GNA12: variants seen among roughly 807,000 people sequenced by gnomAD.
The protein encoded by GNA12 is guanine nucleotide-binding protein subunit alpha-12.
Under a neutral mutation model 26.0 loss-of-function variants are expected in GNA12, and 9 were observed. The observed-to-expected ratio is 0.35, with a 90% CI of 0.21 to 0.60. The LOEUF is 0.60. Ranked by LOEUF, GNA12 falls within the 20% of genes least tolerant of loss-of-function variation. GNA12 has a pLI of 0.78. For synonymous variants in GNA12, 264 were observed against 219.6 expected, an observed-to-expected ratio of 1.20 and a Z score of -1.79; for missense variants, 405 against 525.8, an observed-to-expected ratio of 0.77 and a Z score of 2.25.
chr7:2,788,469 C>T (rs1023428211), intron 2 of GNA12, among the ~76,000 whole-genome samples: 1 of 152,120 alleles, frequency 6.6e-6, no homozygotes, highest in Non-Finnish European at 1.5e-5. Flanking sequence ...CACTCTGGAC[C>T]GAGCAAGAAA....
At chr7:2,755,985 CT>C (rs1426557322) in intron 2 of GNA12, among the ~76,000 whole-genome samples, 6 of 152,150 alleles carry the variant, frequency 3.9e-5, no homozygotes, top group Middle Eastern at 3.2e-3. Flanking sequence ...TAAAATTTAT[CT>C]CTTCAAAACA....
intron 2 of GNA12, among the ~76,000 whole-genome samples, chr7:2,787,862 AC>A (rs1210449881): frequency 6.6e-6 from 1 of 152,238 alleles, no homozygotes; most frequent in African/African-American, 2.4e-5. Context: ...CAGAGAGAAA[AC>A]AAATGCCAGG....
At chr7:2,821,941 G>A (rs1333154204) in intron 1 of GNA12, among the ~76,000 whole-genome samples, 4 of 152,154 alleles carry the variant, frequency 2.6e-5, no homozygotes, top group Admixed American at 2.0e-4. Flanking sequence ...TGCCTACTAT[G>A]TGCTGCCATG....
intron 2 of GNA12, among the ~76,000 whole-genome samples, chr7:2,753,391 T>TCCTCCTGCTTCGG (rs59648923): frequency 6.6e-6 from 1 of 151,806 alleles, no homozygotes; most frequent in Non-Finnish European, 1.5e-5. Context: ...GCTCAAGCCA[T>TCCTCCTGCTTCGG]CCTCCCAAAG....
intron 1 of GNA12, among the ~76,000 whole-genome samples, chr7:2,798,198 GA>G (rs577255653): frequency 1.1e-3 from 163 of 152,118 alleles, no homozygotes; most frequent in Non-Finnish European, 1.9e-3. Flanking sequence ...AAGCAGGGGG[GA>G]AAACAAATAG....
intron 1 of GNA12, among the ~76,000 whole-genome samples, chr7:2,839,335 G>A (rs567293147): frequency 3.9e-5 from 6 of 152,192 alleles, no homozygotes; most frequent in Admixed American, 3.3e-4. Context: ...CCAGGTTCAA[G>A]TGATCCTCCC....
intron 2 of GNA12, chr7:2,763,174 A>C (rs1342837149): frequency 3.5e-6 from 3 of 851,846 alleles, no homozygotes; most frequent in East Asian, 4.9e-5. Context: ...GGTTAGCAGG[A>C]CTTCACAAGA....
intron 2 of GNA12, chr7:2,763,145 G>A (rs1204356863): frequency 1.7e-6 from 2 of 1,187,274 alleles, no homozygotes; most frequent in East Asian, 3.7e-5. Flanking sequence ...AGCATTTCTC[G>A]AATATTCTGC....
At chr7:2,789,941 A>G (rs935840475) in intron 2 of GNA12, among the ~76,000 whole-genome samples, 5 of 152,208 alleles carry the variant, frequency 3.3e-5, no homozygotes, top group African/African-American at 1.2e-4. Context: ...TTTTTGGCTC[A>G]CAAAGCGCCT....
rs185519720 is a variant in GNA12 at position 2,773,329 on chromosome 7, C to T, written c.525+21599G>A. Among the ~76,000 whole-genome samples the T allele has an allele frequency of 1.7e-4, 26 of 152,304 alleles. 1 individual carries two copies. In the South Asian group the frequency reaches 3.9e-3, roughly 23 times the overall value. On this transcript the variant is annotated intron_variant, in intron 2 of 3. Coordinates refer to ENST00000275364, the MANE Select transcript of GNA12 (RefSeq NM_007353.3). ...CTGTAATCCCAGCACTTTGGGAGGC[C>T]GACATGGGTGATCACCTGAGGTTGG... is the stretch of plus-strand genomic sequence containing the variant.
chr7:2,756,551 G>C (rs1465703205), intron 2 of GNA12, among the ~76,000 whole-genome samples: 1 of 152,064 alleles, frequency 6.6e-6, no homozygotes, highest in African/African-American at 2.4e-5. Flanking sequence ...GGAGGTCGAG[G>C]CTGCAGTGAG....
chr7:2,809,447 T>C (rs894548257), intron 1 of GNA12, among the ~76,000 whole-genome samples: 1 of 152,220 alleles, frequency 6.6e-6, no homozygotes, highest in Non-Finnish European at 1.5e-5. Flanking sequence ...GTATTTTTCA[T>C]TGGAAATTCC....
intron 3 of GNA12, among the ~76,000 whole-genome samples, chr7:2,732,266 T>TCCAGG (rs1377437466): frequency 6.6e-6 from 1 of 152,180 alleles, no homozygotes; most frequent in Non-Finnish European, 1.5e-5. Context: ...TTAATAATCC[T>TCCAGG]CCAGGCCAGG....
chr7:2,783,368 C>T (rs139975289), intron 2 of GNA12, among the ~76,000 whole-genome samples: 1 of 152,250 alleles, frequency 6.6e-6, no homozygotes, highest in East Asian at 1.9e-4. Context: ...GGGGAGCTGG[C>T]CCATGGGTGG....
chr7:2,735,492 G>A (rs1419948592), intron 2 of GNA12, among the ~76,000 whole-genome samples: 1 of 152,202 alleles, frequency 6.6e-6, no homozygotes, highest in African/African-American at 2.4e-5. Flanking sequence ...GACGCAAGGG[G>A]AAAAGCACCA....
intron 2 of GNA12, among the ~76,000 whole-genome samples, chr7:2,753,304 C>G (rs1412873337): frequency 6.6e-6 from 1 of 152,130 alleles, no homozygotes; most frequent in Non-Finnish European, 1.5e-5. Context: ...TAGGTGCATG[C>G]CACCACGATT....
intron 1 of GNA12, among the ~76,000 whole-genome samples, chr7:2,808,633 C>A (rs1018648437): frequency 6.6e-6 from 1 of 152,204 alleles, no homozygotes; most frequent in Non-Finnish European, 1.5e-5. Context: ...TGCCGTGGTT[C>A]TACCTTCCAG....
chr7:2,762,706 C>T (rs769664421), intron 2 of GNA12: 15 of 1,568,666 alleles, frequency 9.6e-6, no homozygotes, highest in Admixed American at 1.9e-5. Context: ...GGTGGAGGAG[C>T]GCCAGAGGGA....
chr7:2,807,357 G>C (rs1301410069), intron 1 of GNA12, among the ~76,000 whole-genome samples: 3 of 152,090 alleles, frequency 2.0e-5, no homozygotes, highest in African/African-American at 7.2e-5. Flanking sequence ...TCACAAACAT[G>C]TTTGAATTTC....
Sources: allele counts gnomAD v4.1 joint callset (sites outside exome capture counted in the v4.1 genomes callset), GRCh38; gene constraint gnomAD v4.1.1; transcripts MANE v1.5; gene names NCBI Gene and HGNC (gene_info 2026-07-23, HGNC 2026-07-21).